RFX4: variants seen among roughly 807,000 people sequenced by gnomAD.
RFX4 encodes the protein regulatory factor X4, also known as transcription factor RFX4.
A neutral mutation model predicts 95.0 loss-of-function variants in RFX4; 10 were observed. The ratio of observed to expected loss-of-function variants is 0.11; its 90% CI spans 0.06 to 0.18. The LOEUF is 0.18. RFX4 is among the 10% of genes least tolerant of loss of function. The pLI is 1.00. For missense variants in RFX4, 640 were observed against 922.0 expected (o/e 0.69, Z 3.96); for synonymous variants, 321 against 340.7 (o/e 0.94, Z 0.64).
intron 2 of RFX4, among the ~76,000 whole-genome samples, chr12:106,616,265 G>T (rs540261427): frequency 6.6e-6 from 1 of 152,264 alleles, no homozygotes; most frequent in African/African-American, 2.4e-5. Flanking sequence ...TACATCGGTT[G>T]AATTTTGAAT....
chr12:106,696,418 C>T lies in RFX4; in HGVS notation c.805C>T (p.Pro269Ser), dbSNP rs1565983955. 6.2e-7 allele frequency: 1 copy of T among 1,614,092 alleles called. No homozygotes were observed. Among genetic ancestry groups the T allele is most frequent in the Non-Finnish European group, 8.5e-7 (1 of 1,180,010 alleles). ...CAAAGCTATCTCCGGGGTGCTGATGCCCACTGTGCTGCAGGCATTACCTGA... is the reference window on the plus strand; with the variant it reads ...CAAAGCTATCTCCGGGGTGCTGATGTCCACTGTGCTGCAGGCATTACCTGA... ...LYKAISGVLMPTVLQALPDSL... is the reference protein window; with the variant it reads ...LYKAISGVLMSTVLQALPDSL... Residue 269 changes from proline to serine, a missense_variant, in exon 8 of 18, where the codon CCC becomes TCC. This residue lies in a region of RFX4 where 96 missense variants were observed against 183.7 expected (regional missense o/e 0.52). Transcript: ENST00000392842.
In RFX4 at chr12:106,669,839, G is replaced by GTGTGTGTGTGTGT. The variant is rs1565972599; in HGVS notation, c.316-12154_316-12153insTGTGTGTGTGTGT. On this transcript the variant is annotated intron_variant, in intron 4 of 17. Transcript: ENST00000392842. ...GATTTCACACCAGGTTTTTTCTAGG[G>GTGTGTGTGTGTGT]GTGTGTGTGTGTGTGTGTGTGTGTG... 4.8e-3 allele frequency among the ~76,000 whole-genome samples: 687 copies of GTGTGTGTGTGTGT among 143,244 alleles called. 5 individuals carry two copies. The highest frequency in any genetic ancestry group is 6.9e-3 in the Non-Finnish European group (457 of 65,850). 94.0% of individuals were successfully genotyped at this position (143,244 alleles called of 152,430 possible).
At chr12:106,701,894 A>G (rs200756151) in intron 8 of RFX4, among the ~76,000 whole-genome samples, 2 of 152,256 alleles carry the variant, frequency 1.3e-5, no homozygotes, top group East Asian at 3.9e-4. Flanking sequence ...GCTTGTGCCT[A>G]TAGTCTAGCC....
rs1024902463 is a variant in RFX4, at chr12:106,681,891, G to A, written c.316-102G>A. 66 of 1,202,628 alleles carry A rather than the reference G, an allele frequency of 5.5e-5. No individual in the cohort carries two copies. In the South Asian group the frequency reaches 8.2e-4, roughly 15 times the overall value. The allele number at this position is 1,202,628 out of a possible 1,614,324, so 74.5% of individuals were successfully genotyped here. A position where few individuals can be genotyped will look rare whatever the true frequency, so the allele number is the denominator to read the frequency against. ...CTCCTATTAAGTCATTGCAACCAAGGACCTATGTTTTCCTCCCTTCTGTAG... is the reference window on the plus strand; with the variant it reads ...CTCCTATTAAGTCATTGCAACCAAGAACCTATGTTTTCCTCCCTTCTGTAG... On this transcript the variant is annotated intron_variant, in intron 4 of 17. Coordinates refer to ENST00000392842, the MANE Select transcript of RFX4 (RefSeq NM_213594.3).
intron 9 of RFX4, among the ~76,000 whole-genome samples, chr12:106,709,913 G>A (rs1419287609): frequency 6.6e-6 from 1 of 152,180 alleles, no homozygotes; most frequent in African/African-American, 2.4e-5. Context: ...CCATAAAATG[G>A]TGGTAGCAGG....
chr12:106,680,574 C>T (rs1319854987), intron 4 of RFX4, among the ~76,000 whole-genome samples: 4 of 152,108 alleles, frequency 2.6e-5, no homozygotes, highest in Admixed American at 6.5e-5. Flanking sequence ...AGATTCATCC[C>T]CATCCCTAGA....
At chr12:106,684,933 G>A (rs572671087) in intron 5 of RFX4, 2 of 1,613,230 alleles carry the variant, frequency 1.2e-6, no homozygotes, top group African/African-American at 2.7e-5. Flanking sequence ...GGAGGGTTGG[G>A]GAGAGGGAAG....
chr12:106,726,272 A>T (rs868156256), intron 13 of RFX4, among the ~76,000 whole-genome samples: 1 of 149,906 alleles, frequency 6.7e-6, no homozygotes, highest in South Asian at 2.1e-4. Context: ...AAAAAAAGGA[A>T]AAAAAAAAGA....
chr12:106,653,547 C>A (rs1292824864), intron 3 of RFX4, among the ~76,000 whole-genome samples: 1 of 152,168 alleles, frequency 6.6e-6, no homozygotes, highest in African/African-American at 2.4e-5. Context: ...GGATGTAAAC[C>A]CAGTTGTAGA....
chr12:106,760,670 G>A (rs2043193061), intron 17 of RFX4, among the ~76,000 whole-genome samples: 1 of 152,176 alleles, frequency 6.6e-6, no homozygotes, highest in East Asian at 1.9e-4. Context: ...CTGCTTTTAG[G>A]CTGAAGTTTA....
At chr12:106,623,100 A>T (rs938629342) in intron 2 of RFX4, among the ~76,000 whole-genome samples, 1 of 139,598 alleles carries the variant, frequency 7.2e-6, no homozygotes. Context: ...GTGCAGTGGC[A>T]TGAAATCGGC....
At chr12:106,684,990 A>G in intron 5 of RFX4, 1 of 1,589,042 alleles carries the variant, frequency 6.3e-7, no homozygotes, top group Non-Finnish European at 8.6e-7. Flanking sequence ...CCCTTCCCAT[A>G]ATTCAAAATG....
intron 10 of RFX4, among the ~76,000 whole-genome samples, chr12:106,711,739 T>G (rs1440819307): frequency 6.6e-6 from 1 of 152,246 alleles, no homozygotes; most frequent in Non-Finnish European, 1.5e-5. Context: ...AGATATGTTC[T>G]AAGTCCACAG....
At chr12:106,611,470 G>A (rs1237198612) in intron 2 of RFX4, among the ~76,000 whole-genome samples, 2 of 149,378 alleles carry the variant, frequency 1.3e-5, no homozygotes, top group Non-Finnish European at 3.0e-5. Context: ...GATCTGTTTT[G>A]AGCTAACATT....
At position 106,640,867 on chromosome 12, in the gene RFX4, A is replaced by G. The variant is rs190172629; in HGVS notation, c.191+1475A>G. On this transcript the variant is annotated intron_variant, in intron 3 of 17. Coordinates refer to ENST00000392842, the MANE Select transcript of RFX4 (RefSeq NM_213594.3). ...GTGATTTTGGCTCACTGCAACCTCTACTTTCTGGGTTCAAGTGATCCTCTT... is the reference window on the plus strand; with the variant it reads ...GTGATTTTGGCTCACTGCAACCTCTGCTTTCTGGGTTCAAGTGATCCTCTT... Among the ~76,000 whole-genome samples, 5 of 143,836 alleles carry G rather than the reference A, an allele frequency of 3.5e-5. No individual in the cohort carries two copies. In the East Asian group the frequency reaches 1.0e-3, roughly 29 times the overall value. 94.4% of individuals were successfully genotyped at this position (143,836 alleles called of 152,430 possible).
chr12:106,596,119 G>T (rs1467496266), intron 1 of RFX4, among the ~76,000 whole-genome samples: 2 of 152,164 alleles, frequency 1.3e-5, no homozygotes, highest in African/African-American at 2.4e-5. Flanking sequence ...GATATGGTTT[G>T]GCTCTGTGTG....
chr12:106,694,012 T>C (rs1293020989), intron 7 of RFX4, among the ~76,000 whole-genome samples: 3 of 152,208 alleles, frequency 2.0e-5, no homozygotes, highest in African/African-American at 4.8e-5. Flanking sequence ...CTTAGAGATA[T>C]GATACTCCTC....
At chr12:106,687,216 ACACACACAC>A in intron 6 of RFX4, 119 bp downstream of exon 6, 1 of 760,548 alleles carries the variant, frequency 1.3e-6, no homozygotes, top group South Asian at 1.7e-5. Flanking sequence ...ACACACACAC[ACACACACAC>A]ATTTATTGCA....
chr12:106,607,266 C>G (rs2039856016), intron 1 of RFX4, among the ~76,000 whole-genome samples: 1 of 152,062 alleles, frequency 6.6e-6, no homozygotes, highest in Non-Finnish European at 1.5e-5. Context: ...CTTAGGGGCA[C>G]AATGCTGAAA....
Sources: gnomAD v4.1 joint callset for allele counts (sites outside exome capture counted in the v4.1 genomes callset) on GRCh38, gnomAD v4.1.1 for gene constraint, gnomAD v4.1.1 regional missense constraint, MANE v1.5 for transcripts, NCBI Gene and HGNC (gene_info 2026-07-23, HGNC 2026-07-21) for gene names.